The following SAMHD1 variants were observed in gnomAD, a reference collection of about 807,000 sequenced individuals.
SAMHD1 encodes the protein SAM and HD domain containing deoxynucleoside triphosphate triphosphohydrolase 1, also known as deoxynucleoside triphosphate triphosphohydrolase SAMHD1.
In SAMHD1, 54 loss-of-function variants were observed where a neutral mutation model predicts 79.6. The ratio of observed to expected loss-of-function variants is 0.68; its 90% CI spans 0.55 to 0.85. The LOEUF is 0.85. Among genes scored for constraint, SAMHD1 ranks in the 40% least tolerant of loss-of-function variants. The probability of loss-of-function intolerance (pLI) is 0.00; values close to 1 mark genes in which losing one functional copy is unlikely to be tolerated. For synonymous variants in SAMHD1, 260 were observed against 264.1 expected (o/e 0.98, Z 0.15); for missense variants, 663 against 782.7 (o/e 0.85, Z 1.82).
chr20:36,932,841 A>G (rs1400244382), intron 4 of SAMHD1, among the ~76,000 whole-genome samples: 1 of 152,170 alleles, frequency 6.6e-6, no homozygotes, highest in African/African-American at 2.4e-5. Flanking sequence ...CACAATGTGA[A>G]TGCATTTAAC....
rs747437917 is a variant in SAMHD1 at position 36,904,161 on chromosome 20, A to C, written c.1499T>G (p.Val500Gly). 1.6e-5 allele frequency: 26 copies of C among 1,604,704 alleles called. No homozygotes were observed. The highest frequency in any genetic ancestry group is 2.2e-5 in the Non-Finnish European group (26 of 1,171,584). Residue 500 changes from valine to glycine, a missense_variant, in exon 13 of 16, where the codon GTG becomes GGG. Transcript: ENST00000646673. The part of the protein sequence containing the change: ...DVKLKAEDFI[V>G]DVINMDYGMQ... ...ATTACTGGGCTAATTACTTACATCC[A>C]CTATAAAATCTTCAGCCTTCAGTTT...
At chr20:36,937,358 A>G (rs1227140314) in intron 3 of SAMHD1, among the ~76,000 whole-genome samples, 2 of 152,290 alleles carry the variant, frequency 1.3e-5, no homozygotes, top group African/African-American at 4.8e-5. Flanking sequence ...ACACAAATGA[A>G]CAAAAAAAAT....
intron 15 of SAMHD1, chr20:36,893,955 G>A: frequency 2.5e-6 from 1 of 398,602 alleles, no homozygotes; most frequent in Non-Finnish European, 4.4e-6. Context: ...GGGCAGAGAA[G>A]TCAGGTTTTT....
chr20:36,909,050 C>T (rs991088623), intron 11 of SAMHD1, among the ~76,000 whole-genome samples: 1 of 152,118 alleles, frequency 6.6e-6, no homozygotes, highest in African/African-American at 2.4e-5. Flanking sequence ...CAACCTCTGC[C>T]TCCTGGGTTC....
chr20:36,912,588 A>AGATTATGT (rs752889103), intron 9 of SAMHD1, 36 bp from the exon 10 acceptor site: 2 of 1,406,072 alleles, frequency 1.4e-6, no homozygotes, highest in South Asian at 2.3e-5. Context: ...TAATAGGATC[A>AGATTATGT]GATTATGTTA....
At position 36,919,403 on chromosome 20, in the gene SAMHD1, T is replaced by A; in HGVS notation, c.813A>T (p.Gln271His). The change falls in exon 7 of 16, where the codon CAA becomes CAT. Residue 271 changes from glutamine to histidine, a missense_variant. By Grantham distance (24) the Gln-to-His change is conservative. Coordinates refer to ENST00000646673, the MANE Select transcript of SAMHD1 (RefSeq NM_015474.4). ...CAGGTGATTCAAGTGGTCCTACAAT[T>A]TGTTCCTTTATAAAGCAAATATCTT... ...PEEDICFIKE[Q>H]IVGPLESPVE... The A allele has an allele frequency of 3.7e-6, 6 of 1,613,702 alleles. No individual in the cohort carries two copies. Among genetic ancestry groups the A allele is most frequent in the Non-Finnish European group, 5.1e-6 (6 of 1,179,788 alleles).
chr20:36,910,419 A>T (rs574503967), intron 11 of SAMHD1, among the ~76,000 whole-genome samples: 106 of 151,840 alleles, frequency 7.0e-4, no homozygotes, highest in Middle Eastern at 3.4e-3. Flanking sequence ...AATAAATAAA[A>T]AAAAATTAAA....
At chr20:36,936,906 C>T (rs1005458556) in intron 3 of SAMHD1, among the ~76,000 whole-genome samples, 2 of 151,888 alleles carry the variant, frequency 1.3e-5, no homozygotes, top group Non-Finnish European at 2.9e-5. Context: ...TTTGGGAGGC[C>T]AAGGCGGGTG....
chr20:36,912,204 C>G (rs1975441694), intron 10 of SAMHD1: 1 of 477,258 alleles, frequency 2.1e-6, no homozygotes, highest in African/African-American at 2.0e-5. Context: ...CGCTTCACGT[C>G]TGGCCTAAGC....
Position 36,892,645 on chromosome 20 carries a change from A to T in SAMHD1, c.*287T>A. 1 of 418,392 alleles carries T rather than the reference A, an allele frequency of 2.4e-6. No homozygotes were observed. Among genetic ancestry groups the T allele is most frequent in the Non-Finnish European group, 4.4e-6 (1 of 228,198 alleles). 25.9% of individuals were successfully genotyped at this position (418,392 alleles called of 1,614,324 possible). On this transcript the variant is annotated 3_prime_UTR_variant, in exon 16 of 16. Transcript: ENST00000646673. Reference sequence around the variant, plus strand: ...TTGTCTCTTAAAAAAGAAAAAAAATAGAGTTCAGAATAGATAAAAGAGTTG... The same window carrying T: ...TTGTCTCTTAAAAAAGAAAAAAAATTGAGTTCAGAATAGATAAAAGAGTTG...
intron 14 of SAMHD1, 97 bp from the exon 15 acceptor site, chr20:36,898,056 C>T: frequency 4.8e-6 from 7 of 1,445,470 alleles, no homozygotes; most frequent in Non-Finnish European, 5.8e-6. Flanking sequence ...TTTTTTGAGA[C>T]AAGATCTCCC....
At chr20:36,919,772 C>T (rs911885249) in intron 6 of SAMHD1, among the ~76,000 whole-genome samples, 4 of 151,944 alleles carry the variant, frequency 2.6e-5, no homozygotes, top group South Asian at 4.1e-4. Context: ...TAATCATTTA[C>T]AGTTCCTAAA....
rs2063486684 is a variant in SAMHD1, at chr20:36,918,272, T to C, written c.852+1092A>G. On this transcript the variant is annotated intron_variant, in intron 7 of 15. Coordinates refer to ENST00000646673, the MANE Select transcript of SAMHD1 (RefSeq NM_015474.4). ...GGCCAAATATGTTCATTTTAATGGT[T>C]AAATAAAACATACACATTTACATTC... 2.0e-5 allele frequency among the ~76,000 whole-genome samples: 3 copies of C among 151,952 alleles called. No individual in the cohort carries two copies. In the South Asian group the frequency reaches 6.2e-4, roughly 32 times the overall value.
rs182749592 is a variant in SAMHD1 at position 36,939,305 on chromosome 20, C to T, written c.348+1734G>A. Among the ~76,000 whole-genome samples, 99 of 142,540 alleles carry T rather than the reference C, an allele frequency of 6.9e-4. No homozygotes were observed. The Middle Eastern group carries it at 0.015, about 21-fold the overall frequency. 93.5% of individuals were successfully genotyped at this position (142,540 alleles called of 152,430 possible). ...GAAAAGAAAAGAAAAAGAAAATAAC[C>T]GGGTAGGCCAGACGTGTTGGCTCAT... On this transcript the variant is annotated intron_variant, in intron 3 of 15. Transcript: ENST00000646673.
chr20:36,906,746 T>C (rs1015666157), intron 11 of SAMHD1, among the ~76,000 whole-genome samples: 6 of 152,066 alleles, frequency 3.9e-5, no homozygotes, highest in Admixed American at 2.6e-4. Flanking sequence ...AATTCAACAA[T>C]TGTTAATGTT....
intron 6 of SAMHD1, among the ~76,000 whole-genome samples, chr20:36,925,838 A>T (rs2063532767): frequency 6.6e-6 from 1 of 152,170 alleles, no homozygotes. Flanking sequence ...TGAGGCTGTA[A>T]AACAACTGGA....
intron 10 of SAMHD1, chr20:36,911,537 G>A (rs1455909620): frequency 1.8e-6 from 1 of 545,948 alleles, no homozygotes; most frequent in Non-Finnish European, 3.3e-6. Flanking sequence ...CTGTCGCAGG[G>A]CTTTGCATTC....
chr20:36,944,077 CAAAAAAA>C (rs542947370), intron 2 of SAMHD1, among the ~76,000 whole-genome samples: 2 of 89,996 alleles, frequency 2.2e-5, no homozygotes. Flanking sequence ...GACTCCATCT[CAAAAAAA>C]AAAAAAAAAA....
intron 9 of SAMHD1, among the ~76,000 whole-genome samples, chr20:36,914,349 C>A (rs1035561285): frequency 1.4e-5 from 2 of 144,776 alleles, no homozygotes; most frequent in African/African-American, 2.7e-5. Flanking sequence ...TTATGAATTT[C>A]TTTCTTTCTT....
Sources: gnomAD v4.1 joint callset for allele counts (sites outside exome capture counted in the v4.1 genomes callset) on GRCh38, gnomAD v4.1.1 for gene constraint, MANE v1.5 for transcripts, NCBI Gene and HGNC (gene_info 2026-07-23, HGNC 2026-07-21) for gene names.